Variants in CES2 observed in about 807,000 individuals in gnomAD.
CES2 encodes the protein carboxylesterase 2, also known as cocaine esterase.
Under a neutral mutation model 52.1 loss-of-function variants are expected in CES2, and 42 were observed. The ratio of observed to expected loss-of-function variants is 0.81; its 90% CI spans 0.63 to 1.04. CES2 has a LOEUF of 1.04. CES2 is among the 50% of genes least tolerant of loss of function. The pLI is 0.00. For synonymous variants in CES2, 277 were observed against 289.6 expected (o/e 0.96, Z 0.44); for missense variants, 656 against 724.3 (o/e 0.91, Z 1.08).
Position 66,941,382 on chromosome 16 carries a change from C to A in CES2, c.916-124C>A. On this transcript the variant is annotated intron_variant, in intron 6 of 11. Transcript: ENST00000317091. ...GAAGGTCGGTGCATGCTGAGCCAAA[C>A]AGTAATCTCCTGGGGTGGGTATGAG... The A allele has an allele frequency of 4.6e-6, 7 of 1,519,070 alleles. No individual in the cohort carries two copies. The South Asian group carries it at 8.9e-5, about 19-fold the overall frequency. 94.1% of individuals were successfully genotyped at this position (1,519,070 alleles called of 1,614,324 possible).
At chr16:66,938,435 T>G in intron 2 of CES2, 194 bp downstream of exon 2, 1 of 596,814 alleles carries the variant, frequency 1.7e-6, no homozygotes. Flanking sequence ...CTTCTCAGAC[T>G]CCTGGATCAG....
chr16:66,943,243 TG>T lies in CES2; in HGVS notation c.1421-53del, dbSNP rs777880302. On this transcript the variant is annotated intron_variant, in intron 10 of 11. Transcript: ENST00000317091. The surrounding 1 kb of genome is among the most constrained non-coding windows in gnomAD (Gnocchi z 4.2). ...TCGGGGGCCAAGGACGAGCTCCACC[TG>T]GGATGCTGAGGTTGGACATCCTGAT... The T allele has an allele frequency of 1.6e-4, 254 of 1,583,970 alleles. No homozygotes were observed. In the African/African-American group the frequency reaches 1.7e-3, roughly 11 times the overall value.
rs371963633 is a variant in CES2, at chr16:66,944,036, C to T, written c.*11C>T. On this transcript the variant is annotated 3_prime_UTR_variant, in exon 12 of 12. Coordinates refer to ENST00000317091, the MANE Select transcript of CES2 (RefSeq NM_001365405.1). ...CACACAGAGCTGTAGCTCCCTGTGC[C>T]GGGGAGGAGGGGGTGGGTTCGCTGA... The T allele has an allele frequency of 4.3e-5, 27 of 622,816 alleles. No homozygotes were observed. The highest frequency in any genetic ancestry group is 7.6e-5 in the African/African-American group (4 of 52,608). The allele number at this position is 622,816 out of a possible 1,614,324, so 38.6% of individuals were successfully genotyped here.
chr16:66,936,774 C>G (rs1277186683), intron 1 of CES2, among the ~76,000 whole-genome samples: 5 of 152,170 alleles, frequency 3.3e-5, no homozygotes, highest in Admixed American at 2.6e-4. Context: ...ATACTCCCCC[C>G]GCCCCATGGT....
At chr16:66,942,859 A>G (rs765919550) in intron 10 of CES2, 74 bp downstream of exon 10, 1 of 1,605,124 alleles carries the variant, frequency 6.2e-7, no homozygotes, top group Non-Finnish European at 8.5e-7. Flanking sequence ...GATTGTCCTC[A>G]CTGCCCAGAT....
chr16:66,943,907 A>C lies in CES2; in HGVS notation c.1562A>C (p.Asn521Thr). 1 of 1,610,372 alleles carries C rather than the reference A, an allele frequency of 6.2e-7. No individual in the cohort carries two copies. Among genetic ancestry groups the C allele is most frequent in the Admixed American group, 1.7e-5 (1 of 59,920 alleles). The change falls in exon 12 of 12, where the codon AAC (asparagine) becomes ACC (threonine). Residue 521 changes from asparagine to threonine, a missense_variant. By Grantham distance (65) the Asn-to-Thr change is moderately conservative. Coordinates refer to ENST00000317091, the MANE Select transcript of CES2 (RefSeq NM_001365405.1). The surrounding 1 kb of genome is among the most constrained non-coding windows in gnomAD (Gnocchi z 4.2). Reference sequence around the variant, plus strand: ...CAGGAGGAGCAATACCTGCAGCTGAACCTACAGCCTGCGGTGGGCCGGGCT... The same window carrying C: ...CAGGAGGAGCAATACCTGCAGCTGACCCTACAGCCTGCGGTGGGCCGGGCT... ...FDQEEQYLQL[N>T]LQPAVGRALK...
At chr16:66,941,936 A>C in intron 8 of CES2, 88 bp downstream of exon 8, 3 of 1,584,316 alleles carry the variant, frequency 1.9e-6, no homozygotes, top group Non-Finnish European at 2.6e-6. Context: ...TACCCTTCCT[A>C]TGTAGTGACC....
chr16:66,941,420 A>G (rs1963360196), intron 6 of CES2, 86 bp from the exon 7 acceptor site: 1 of 1,560,454 alleles, frequency 6.4e-7, no homozygotes, highest in Non-Finnish European at 8.7e-7. Context: ...TCCAGGGATA[A>G]ACTGGGAAGG....
rs553770528 is a variant in CES2, at chr16:66,943,410, G to A, written c.1493+39G>A. On this transcript the variant is annotated intron_variant, in intron 11 of 11. Coordinates refer to ENST00000317091, the MANE Select transcript of CES2 (RefSeq NM_001365405.1). The surrounding 1 kb of genome is among the most constrained non-coding windows in gnomAD (Gnocchi z 4.2). ...CCCCTGCCTCAACCTCCCCGATTGG[G>A]GGACTTGTGCCCATCCAGTGCTCTC... 2.5e-6 allele frequency: 4 copies of A among 1,610,716 alleles called. No individual in the cohort carries two copies. The highest frequency in any genetic ancestry group is 1.7e-5 in the Admixed American group (1 of 59,974).
chr16:66,936,345 A>G (rs1414878093), intron 1 of CES2, among the ~76,000 whole-genome samples: 16 of 152,142 alleles, frequency 1.1e-4, no homozygotes, highest in Admixed American at 1.0e-3. Context: ...CAACATAGTG[A>G]GACTCGGAGT....
rs753403557 is a variant in CES2 at position 66,941,586 on chromosome 16, TC to T, written c.997del (p.Gln333SerfsTer22). The T allele has an allele frequency of 4.3e-6, 7 of 1,614,158 alleles. No homozygotes were observed. In the East Asian group the frequency reaches 1.3e-4, roughly 31 times the overall value. Reference protein sequence around the residue: ...PQELLASADFQPVPSIVGVNN... With the variant: ...PQELLASADFXPVPSIVGVNN... Reference sequence around the variant, plus strand: ...AGGAGCTGCTGGCCTCTGCCGACTTTCAGCCTGTCCCTAGCATTGTTGGTGT... The same window carrying T: ...AGGAGCTGCTGGCCTCTGCCGACTTTAGCCTGTCCCTAGCATTGTTGGTGT... On this transcript the variant is annotated frameshift_variant, in exon 7 of 12. Transcript: ENST00000317091. LOFTEE classifies it high-confidence loss of function.
intron 3 of CES2, 48 bp downstream of exon 3, chr16:66,939,406 G>T (rs1375757459): frequency 1.2e-6 from 2 of 1,600,808 alleles, no homozygotes; most frequent in Non-Finnish European, 1.7e-6. Flanking sequence ...CAGTTCTTCT[G>T]CAAGAAGCTG....
In CES2 at chr16:66,943,966, G is replaced by A. The variant is rs746323495; in HGVS notation, c.1621G>A (p.Ala541Thr). 6.9e-6 allele frequency: 11 copies of A among 1,602,158 alleles called. No homozygotes were observed. Among genetic ancestry groups the A allele is most frequent in the Non-Finnish European group, 7.7e-6 (9 of 1,171,876 alleles). ...CCACAGGCTCCAGTTCTGGAAGAAG[G>A]CGCTGCCCCAAAAGATCCAGGAGCT... The part of the protein sequence containing the change: ...KAHRLQFWKK[A>T]LPQKIQELEE... Residue 541 changes from alanine (A) to threonine (T), a missense_variant, in exon 12 of 12, where the codon GCG (alanine) becomes ACG (threonine). By Grantham distance (58) the Ala-to-Thr change is moderately conservative. Coordinates refer to ENST00000317091, the MANE Select transcript of CES2 (RefSeq NM_001365405.1). The surrounding 1 kb of genome is among the most constrained non-coding windows in gnomAD (Gnocchi z 4.2).
intron 9 of CES2, 135 bp downstream of exon 9, chr16:66,942,384 T>C: frequency 1.0e-6 from 1 of 981,088 alleles, no homozygotes; most frequent in Non-Finnish European, 1.5e-6. Context: ...ATCATTGCAG[T>C]AAATCCTCAT....
rs1245356483 is a variant in CES2, at chr16:66,943,737, C to T, written c.1494-102C>T. On this transcript the variant is annotated intron_variant, in intron 11 of 11. Transcript: ENST00000317091. The surrounding 1 kb of genome is among the most constrained non-coding windows in gnomAD (Gnocchi z 4.2). Reference sequence around the variant, plus strand: ...CACTCATTCCCCAAGCCCACCTGGCCTGCTTGGCTGCCTTGCCTGACCAGA... The same window carrying T: ...CACTCATTCCCCAAGCCCACCTGGCTTGCTTGGCTGCCTTGCCTGACCAGA... 2.1e-6 allele frequency: 2 copies of T among 951,576 alleles called. No individual in the cohort carries two copies. The highest frequency in any genetic ancestry group is 4.9e-5 in the Admixed American group (2 of 41,034). 58.9% of individuals were successfully genotyped at this position (951,576 alleles called of 1,614,324 possible). A position where few individuals can be genotyped will look rare whatever the true frequency, so the allele number is the denominator to read the frequency against.
intron 5 of CES2, 78 bp from the exon 6 acceptor site, chr16:66,941,046 G>A: frequency 1.3e-6 from 2 of 1,587,966 alleles, no homozygotes; most frequent in Middle Eastern, 2.2e-4. Context: ...GGGTACCCCT[G>A]TTCTTGGCCA....
At position 66,941,625 on chromosome 16, in the gene CES2, A is replaced by G. The variant is rs2145507610; in HGVS notation, c.1035A>G (p.Glu345=). The change falls in exon 7 of 12, where the codon GAA becomes GAG. Residue 345 remains glutamate, a synonymous_variant. Transcript: ENST00000317091. ...GCATTGTTGGTGTCAACAACAATGA[A>G]TTCGGCTGGCTCATCCCCAAGGTGA... ...VPSIVGVNNN[E]FGWLIPKVMR... 2 of 1,614,064 alleles carry G rather than the reference A, an allele frequency of 1.2e-6. No individual in the cohort carries two copies. The highest frequency in any genetic ancestry group is 1.7e-6 in the Non-Finnish European group (2 of 1,179,974).
intron 2 of CES2, chr16:66,938,480 C>G (rs11568307): frequency 3.6e-6 from 2 of 562,216 alleles, no homozygotes; most frequent in South Asian, 2.2e-5. Flanking sequence ...CTCCAGGTGC[C>G]GAAGGGAGGG....
intron 9 of CES2, 108 bp downstream of exon 9, chr16:66,942,357 G>A (rs532771436): frequency 1.5e-5 from 18 of 1,173,056 alleles, no homozygotes; most frequent in Admixed American, 9.3e-5. Flanking sequence ...ATTGGGCTCC[G>A]GGGACACTTG....
Sources: gnomAD v4.1 joint callset for allele counts (sites outside exome capture counted in the v4.1 genomes callset) on GRCh38, gnomAD v4.1.1 for gene constraint, Gnocchi (gnomAD v3.1) non-coding constraint, MANE v1.5 for transcripts, NCBI Gene and HGNC (gene_info 2026-07-23, HGNC 2026-07-21) for gene names.